Variants in PRDM11 observed in about 807,000 individuals in gnomAD.
PRDM11 encodes the protein PR/SET domain 11, also known as PR domain-containing protein 11.
Under a neutral mutation model 97.8 loss-of-function variants are expected in PRDM11, and 20 were observed. The ratio of observed to expected loss-of-function variants is 0.20; its 90% confidence interval spans 0.14 to 0.30. The LOEUF (loss-of-function observed/expected upper bound fraction) is 0.30, where lower values mean the gene tolerates loss of function less well. Among genes scored for constraint, PRDM11 ranks in the 10% least tolerant of loss-of-function variants. PRDM11 has a pLI of 1.00. For missense variants in PRDM11, 1,139 were observed against 1,555.2 expected, an observed-to-expected ratio of 0.73 and a Z score of 4.50; for synonymous variants, 599 against 637.7, an observed-to-expected ratio of 0.94 and a Z score of 0.91.
At chr11:45,194,840 C>T (rs1417079980) in intron 4 of PRDM11, among the ~76,000 whole-genome samples, 1 of 151,800 alleles carries the variant, frequency 6.6e-6, no homozygotes, top group East Asian at 1.9e-4. Context: ...CCTCGTGATC[C>T]GCCCGCCTCG....
chr11:45,146,963 G>C (rs1468887352), intron 1 of PRDM11, 86 bp downstream of exon 1: 1 of 146,380 alleles, frequency 6.8e-6, no homozygotes, highest in Middle Eastern at 3.5e-3. Context: ...GGGGGCCGCC[G>C]GTGCGGGGGC....
At chr11:45,188,397 A>C (rs1852786803) in intron 4 of PRDM11, among the ~76,000 whole-genome samples, 1 of 152,060 alleles carries the variant, frequency 6.6e-6, no homozygotes, top group Non-Finnish European at 1.5e-5. Flanking sequence ...AAACCTGTGC[A>C]GTCTGACTCC....
intron 1 of PRDM11, among the ~76,000 whole-genome samples, chr11:45,115,877 C>G (rs1852291041): frequency 6.7e-6 from 1 of 149,682 alleles, no homozygotes; most frequent in Non-Finnish European, 1.5e-5. Context: ...TTACAGTGAG[C>G]CAAGATCATG....
intron 1 of PRDM11, among the ~76,000 whole-genome samples, chr11:45,173,560 T>C (rs1320716395): frequency 6.7e-6 from 1 of 149,344 alleles, no homozygotes; most frequent in Non-Finnish European, 1.5e-5. Context: ...AGGCGGAGGT[T>C]GCAGTGAGCC....
At chr11:45,181,005 C>T (rs1240902475) in intron 1 of PRDM11, among the ~76,000 whole-genome samples, 2 of 152,184 alleles carry the variant, frequency 1.3e-5, no homozygotes, top group East Asian at 3.9e-4. Flanking sequence ...CAGCGGGGCC[C>T]CGGGTAGTGA....
intron 1 of PRDM11, among the ~76,000 whole-genome samples, chr11:45,166,291 G>T (rs950025077): frequency 6.6e-6 from 1 of 152,178 alleles, no homozygotes; most frequent in Admixed American, 6.5e-5. Flanking sequence ...GGTTGGCTGT[G>T]CCCCTGCCCA....
intron 4 of PRDM11, among the ~76,000 whole-genome samples, chr11:45,203,922 G>C (rs1453444342): frequency 6.6e-6 from 1 of 152,198 alleles, no homozygotes; most frequent in African/African-American, 2.4e-5. Context: ...GAGTTGAAAG[G>C]TGTTCATCAA....
chr11:45,193,560 AG>A (rs1852989696), intron 4 of PRDM11, among the ~76,000 whole-genome samples: 1 of 152,248 alleles, frequency 6.6e-6, no homozygotes, highest in African/African-American at 2.4e-5. Flanking sequence ...TTCCAATAAA[AG>A]TTTATTTATA....
At chr11:45,171,382 C>T (rs1420612206) in intron 1 of PRDM11, among the ~76,000 whole-genome samples, 2 of 152,142 alleles carry the variant, frequency 1.3e-5, no homozygotes, top group Admixed American at 6.6e-5. Flanking sequence ...TTACAGGCCT[C>T]AGCCACCGTG....
chr11:45,143,299 A>G (rs1168956552), upstream of PRDM11, among the ~76,000 whole-genome samples: 1 of 152,226 alleles, frequency 6.6e-6, no homozygotes, highest in African/African-American at 2.4e-5. Context: ...TGGAGCTAAC[A>G]GGAAGTATTT....
intron 1 of PRDM11, among the ~76,000 whole-genome samples, chr11:45,099,072 C>T (rs1378104988): frequency 6.6e-6 from 1 of 152,042 alleles, no homozygotes; most frequent in Non-Finnish European, 1.5e-5. Context: ...AGGAAGCCAG[C>T]TGAGGGAGGG....
At position 45,224,782 on chromosome 11, in the gene PRDM11, T is replaced by G; in HGVS notation, c.1308T>G (p.Leu436=). 6.2e-7 allele frequency: 1 copy of G among 1,614,186 alleles called. No homozygotes were observed. The highest frequency in any genetic ancestry group is 1.7e-5 in the Admixed American group (1 of 60,022). The change falls in exon 7 of 8, where the codon CTT becomes CTG. Residue 436 remains leucine (L), a synonymous_variant. Coordinates refer to ENST00000683152, the MANE Select transcript of PRDM11 (RefSeq NM_001384648.1). ...AELDMLKSGK[L]PEPPVLPPQV... ...TAGACATGCTTAAGTCTGGGAAACT[T>G]CCTGAGCCCCCCGTATTGCCACCAC...
At position 45,182,911 on chromosome 11, in the gene PRDM11, C is replaced by A. The variant is rs769030168; in HGVS notation, c.274C>A (p.Pro92Thr). 6.2e-7 allele frequency: 1 copy of A among 1,612,006 alleles called. No individual in the cohort carries two copies. ...YFVDECPNHG[P>T]PVFVSDTPVP... ...CGTGGATGAATGCCCAAACCATGGCCCCCCGGTGTTTGTGTCTGACACACC... is the reference window on the plus strand; with the variant it reads ...CGTGGATGAATGCCCAAACCATGGCACCCCGGTGTTTGTGTCTGACACACC... Residue 92 changes from proline (P) to threonine (T), a missense_variant, in exon 4 of 8, where the codon CCC becomes ACC. Physicochemically the swap from Pro to Thr is conservative, Grantham distance 38. Coordinates refer to ENST00000683152, the MANE Select transcript of PRDM11 (RefSeq NM_001384648.1).
At chr11:45,101,572 AGAAG>A (rs1565220032) in intron 1 of PRDM11, among the ~76,000 whole-genome samples, 36 of 124,160 alleles carry the variant, frequency 2.9e-4, no homozygotes, top group Admixed American at 6.3e-4. Flanking sequence ...AAAAAAAAGA[AGAAG>A]AAGAAGAAGA....
At chr11:45,126,355 A>ATGTG (rs1852572569) in intron 1 of PRDM11, among the ~76,000 whole-genome samples, 1 of 151,974 alleles carries the variant, frequency 6.6e-6, no homozygotes, top group South Asian at 2.1e-4. Flanking sequence ...TAATATTGTT[A>ATGTG]TGTGTGAATT....
At chr11:45,167,292 A>G (rs1852086453) in intron 1 of PRDM11, among the ~76,000 whole-genome samples, 1 of 152,242 alleles carries the variant, frequency 6.6e-6, no homozygotes, top group African/African-American at 2.4e-5. Context: ...CTAATGACAC[A>G]CACGTGCACA....
chr11:45,219,867 C>G lies in PRDM11; in HGVS notation c.742+110C>G, dbSNP rs1854069229. On this transcript the variant is annotated intron_variant, in intron 6 of 7. Transcript: ENST00000683152. This position sits in a 1 kb window ranked among gnomAD's most constrained non-coding sequence, Gnocchi z 4.2. ...ATACGGTTCCCAGCAATGGGAAGAC[C>G]CAGAGTGATTCGGGGGAACAGATGG... 1 of 1,293,648 alleles carries G rather than the reference C, an allele frequency of 7.7e-7. No homozygotes were observed. The highest frequency in any genetic ancestry group is 2.5e-5 in the East Asian group (1 of 39,290). The allele number at this position is 1,293,648 out of a possible 1,614,324, so 80.1% of individuals were successfully genotyped here.
chr11:45,205,015 A>G (rs1385124428), intron 5 of PRDM11, among the ~76,000 whole-genome samples: 1 of 152,136 alleles, frequency 6.6e-6, no homozygotes, highest in East Asian at 1.9e-4. Context: ...CGGGCTGCTC[A>G]CTTGCCAGTG....
Position 45,181,814 on chromosome 11 carries a change from G to T in PRDM11, c.48G>T (p.Val16=). Residue 16 remains valine, a synonymous_variant, in exon 2 of 8, where the codon GTG becomes GTT. Coordinates refer to ENST00000683152, the MANE Select transcript of PRDM11 (RefSeq NM_001384648.1). ...GCTTGGCCCAGACCAATGCAGCCGT[G>T]GGGGATATGGTGACGGTGGTGAAGA... ...KECLAQTNAA[V]GDMVTVVKTE... 1.2e-6 allele frequency: 2 copies of T among 1,613,608 alleles called. No homozygotes were observed. Among genetic ancestry groups the T allele is most frequent in the Non-Finnish European group, 1.7e-6 (2 of 1,179,952 alleles).
Sources: gnomAD v4.1 joint callset for allele counts (sites outside exome capture counted in the v4.1 genomes callset) on GRCh38, gnomAD v4.1.1 for gene constraint, Gnocchi (gnomAD v3.1) non-coding constraint, MANE v1.5 for transcripts, NCBI Gene and HGNC (gene_info 2026-07-23, HGNC 2026-07-21) for gene names.